The following LIPI variants were observed in gnomAD, a reference collection of about 807,000 sequenced individuals.
LIPI encodes lipase I, also known as lipase member I.
A neutral mutation model predicts 50.6 loss-of-function variants in LIPI; 59 were observed. The ratio of observed to expected loss-of-function variants is 1.16; its 90% CI spans 0.94 to 1.45. The LOEUF is 1.45. Among genes scored for constraint, LIPI ranks in the 40% most tolerant of loss-of-function variants. The pLI is 0.00. For synonymous variants in LIPI, 203 were observed against 178.2 expected, an observed-to-expected ratio of 1.14 and a Z score of -1.11; for missense variants, 586 against 536.3, an observed-to-expected ratio of 1.09 and a Z score of -0.92.
chr21:14,184,332 G>A (rs1342900994), intron 3 of LIPI, among the ~76,000 whole-genome samples: 1 of 152,198 alleles, frequency 6.6e-6, no homozygotes, highest in South Asian at 2.1e-4. Flanking sequence ...GTTGTGGGGT[G>A]GGGGAAGTGG....
At chr21:14,117,577 AC>A (rs1289766984) in intron 9 of LIPI, among the ~76,000 whole-genome samples, 1 of 152,176 alleles carries the variant, frequency 6.6e-6, no homozygotes. Context: ...GAAAAAGGCA[AC>A]AAACACTGGA....
At chr21:14,145,486 A>T (rs1413428804) in intron 8 of LIPI, among the ~76,000 whole-genome samples, 1 of 152,140 alleles carries the variant, frequency 6.6e-6, no homozygotes, top group African/African-American at 2.4e-5. Flanking sequence ...GGAGTCATTT[A>T]TCTCAACCTG....
At chr21:14,167,399 C>A (rs538003101) in intron 4 of LIPI, among the ~76,000 whole-genome samples, 1 of 152,312 alleles carries the variant, frequency 6.6e-6, no homozygotes, top group South Asian at 2.1e-4. Context: ...TGAGAACGGG[C>A]AGACTGTCTC....
At chr21:14,144,543 AT>A in intron 9 of LIPI, 79 bp downstream of exon 9, 1 of 739,942 alleles carries the variant, frequency 1.4e-6, no homozygotes, top group Admixed American at 2.2e-5. Flanking sequence ...GAATACATGA[AT>A]TTTTAAACCA....
chr21:14,162,880 CCA>C (rs1156270556), intron 7 of LIPI, among the ~76,000 whole-genome samples: 1 of 151,752 alleles, frequency 6.6e-6, no homozygotes, highest in African/African-American at 2.4e-5. Flanking sequence ...CAAACCACTT[CCA>C]GTTTTTCATT....
At chr21:14,124,779 G>A (rs915910506) in intron 9 of LIPI, among the ~76,000 whole-genome samples, 3 of 152,014 alleles carry the variant, frequency 2.0e-5, no homozygotes, top group Middle Eastern at 3.2e-3. Context: ...AACTCTGTTC[G>A]GTCTCTCTTA....
chr21:14,112,496 T>C (rs2016454567), intron 9 of LIPI, among the ~76,000 whole-genome samples: 1 of 152,132 alleles, frequency 6.6e-6, no homozygotes, highest in African/African-American at 2.4e-5. Flanking sequence ...TTTATTTGTG[T>C]CTTCTTCAAT....
chr21:14,108,941 A>T lies in LIPI; in HGVS notation c.*52T>A. The T allele has an allele frequency of 6.2e-7, 1 of 1,605,802 alleles. No individual in the cohort carries two copies. Among genetic ancestry groups the T allele is most frequent in the Non-Finnish European group, 8.5e-7 (1 of 1,173,596 alleles). On this transcript the variant is annotated 3_prime_UTR_variant, in exon 10 of 10. Transcript: ENST00000681601. ...TATAAAAGACTGATTGCATTGTTTC[A>T]TTTACAAGTCCATTAATTCACAAGC...
intron 9 of LIPI, among the ~76,000 whole-genome samples, chr21:14,127,530 T>C (rs2017113061): frequency 6.6e-6 from 1 of 152,228 alleles, no homozygotes; most frequent in Non-Finnish European, 1.5e-5. Context: ...AAAGTTAAAA[T>C]TGCATACTTG....
At chr21:14,192,081 AT>A (rs2019696673) in intron 1 of LIPI, among the ~76,000 whole-genome samples, 1 of 152,214 alleles carries the variant, frequency 6.6e-6, no homozygotes, top group Non-Finnish European at 1.5e-5. Flanking sequence ...GTTTTATTTT[AT>A]TTTTATTTTA....
At chr21:14,165,103 T>C in intron 6 of LIPI, 120 bp downstream of exon 6, 1 of 732,010 alleles carries the variant, frequency 1.4e-6, no homozygotes, top group Non-Finnish European at 2.4e-6. Flanking sequence ...GATTTTTCCA[T>C]AAAATGGTCA....
chr21:14,122,885 G>C (rs2123344092), intron 9 of LIPI, among the ~76,000 whole-genome samples: 1 of 152,308 alleles, frequency 6.6e-6, no homozygotes, highest in East Asian at 1.9e-4. Flanking sequence ...TCAGTCCAAT[G>C]TCACAGTTCA....
intron 9 of LIPI, among the ~76,000 whole-genome samples, chr21:14,137,744 A>G (rs552859645): frequency 6.6e-5 from 10 of 152,348 alleles, no homozygotes; most frequent in African/African-American, 2.4e-4. Flanking sequence ...AAAGATATCA[A>G]TATCCAAGTA....
At chr21:14,203,578 A>G (rs1320946696) in intron 1 of LIPI, among the ~76,000 whole-genome samples, 1 of 152,008 alleles carries the variant, frequency 6.6e-6, no homozygotes, top group Non-Finnish European at 1.5e-5. Flanking sequence ...GCAAACTATC[A>G]CAAGGACAAA....
At chr21:14,173,802 T>C (rs1293718456) in intron 4 of LIPI, among the ~76,000 whole-genome samples, 1 of 151,614 alleles carries the variant, frequency 6.6e-6, no homozygotes, top group Non-Finnish European at 1.5e-5. Flanking sequence ...ATTTAATGGG[T>C]AAGGAAAGAC....
rs1200300744 is a variant in LIPI, at chr21:14,186,006, CA to C, written c.495del (p.Ser165ArgfsTer15). ...CCATGAAATATCTTTCCAACAAATC[CA>C]CTGATATGAGCCCCTAAGCTCACAC... ...FIGVSLGAHI[S>X]GFVGKIFHGQ... On this transcript the variant is annotated frameshift_variant, in exon 3 of 10. Coordinates refer to ENST00000681601, the MANE Select transcript of LIPI (RefSeq NM_001302998.2). LOFTEE classifies it high-confidence loss of function. 6.2e-7 allele frequency: 1 copy of C among 1,604,492 alleles called. No individual in the cohort carries two copies. Among genetic ancestry groups the C allele is most frequent in the Admixed American group, 1.7e-5 (1 of 59,978 alleles).
At chr21:14,178,471 C>T (rs2019165450) in intron 4 of LIPI, among the ~76,000 whole-genome samples, 1 of 152,090 alleles carries the variant, frequency 6.6e-6, no homozygotes, top group Non-Finnish European at 1.5e-5. Flanking sequence ...TTACCTATTT[C>T]TAATTTTCTG....
intron 9 of LIPI, among the ~76,000 whole-genome samples, chr21:14,120,439 C>T (rs1207780120): frequency 6.6e-6 from 1 of 152,088 alleles, no homozygotes; most frequent in South Asian, 2.1e-4. Context: ...GAACTGTTAA[C>T]TACTGAAGGA....
At chr21:14,187,987 G>A (rs1425900695) in intron 2 of LIPI, among the ~76,000 whole-genome samples, 1 of 152,122 alleles carries the variant, frequency 6.6e-6, no homozygotes. Flanking sequence ...TCTTGGAAGT[G>A]TTGTTATTTG....
Sources: gnomAD v4.1 joint callset for allele counts (sites outside exome capture counted in the v4.1 genomes callset) on GRCh38, gnomAD v4.1.1 for gene constraint, MANE v1.5 for transcripts, NCBI Gene and HGNC (gene_info 2026-07-23, HGNC 2026-07-21) for gene names.